The following SHISA6 variants were observed in gnomAD, a reference collection of about 807,000 sequenced individuals.
The protein encoded by SHISA6 is shisa family member 6.
Under a neutral mutation model 47.9 loss-of-function variants are expected in SHISA6, and 22 were observed. That is an observed-to-expected ratio of 0.46 (90% CI 0.33 to 0.66). The LOEUF is 0.66. Ranked by LOEUF, SHISA6 falls within the 30% of genes least tolerant of loss-of-function variation. The pLI, the probability that SHISA6 is intolerant of heterozygous loss-of-function variation, is 0.02. For synonymous variants in SHISA6, 388 were observed against 337.8 expected (o/e 1.15, Z -1.63); for missense variants, 680 against 764.6 (o/e 0.89, Z 1.30).
chr17:11,388,830 ATATATAT>A (rs1913290497), intron 3 of SHISA6, among the ~76,000 whole-genome samples: 1 of 96,042 alleles, frequency 1.0e-5, no homozygotes, highest in African/African-American at 4.2e-5. Flanking sequence ...ATATATATAT[ATATATAT>A]ATATTTTAAA....
Position 11,558,473 on chromosome 17 carries a change from C to G in SHISA6, c.*169C>G. On this transcript the variant is annotated 3_prime_UTR_variant, in exon 6 of 6. Transcript: ENST00000441885. ...AGCCATACCCCCGGGGACACAGCCC[C>G]GATGGCCTGGTCCAATACACTTAGA... is the stretch of plus-strand genomic sequence containing the variant. 1 of 704,238 alleles carries G rather than the reference C, an allele frequency of 1.4e-6. No homozygotes were observed. The highest frequency in any genetic ancestry group is 2.3e-6 in the Non-Finnish European group (1 of 430,386). 43.6% of individuals were successfully genotyped at this position (704,238 alleles called of 1,614,324 possible).
intron 2 of SHISA6, among the ~76,000 whole-genome samples, chr17:11,360,374 A>T (rs1912225563): frequency 6.6e-6 from 1 of 152,140 alleles, no homozygotes; most frequent in South Asian, 2.1e-4. Flanking sequence ...CCTGGCCAAG[A>T]TGGTGAAACC....
At chr17:11,381,108 C>T (rs1487507891) in intron 3 of SHISA6, among the ~76,000 whole-genome samples, 3 of 152,126 alleles carry the variant, frequency 2.0e-5, no homozygotes, top group Admixed American at 2.0e-4. Flanking sequence ...AGGCCAGCTA[C>T]CACAAGCCTA....
At chr17:11,350,503 T>C (rs1294683246) in intron 2 of SHISA6, among the ~76,000 whole-genome samples, 6 of 151,978 alleles carry the variant, frequency 3.9e-5, no homozygotes, top group Non-Finnish European at 8.8e-5. Flanking sequence ...AGGGTCAGCT[T>C]ATGAAGAAAC....
chr17:11,369,878 C>T (rs976921980), intron 2 of SHISA6, among the ~76,000 whole-genome samples: 2 of 152,206 alleles, frequency 1.3e-5, no homozygotes, highest in African/African-American at 4.8e-5. Context: ...TGAAATAGAA[C>T]TCAGCCTTTT....
intron 2 of SHISA6, among the ~76,000 whole-genome samples, chr17:11,285,362 C>T (rs771333144): frequency 1.4e-4 from 21 of 152,182 alleles, no homozygotes; most frequent in Non-Finnish European, 2.4e-4. Context: ...TTCCCTTCAG[C>T]TTGTTGCAAA....
intron 2 of SHISA6, among the ~76,000 whole-genome samples, chr17:11,358,423 G>A (rs1454751074): frequency 1.3e-5 from 2 of 150,758 alleles, no homozygotes; most frequent in African/African-American, 4.9e-5. Flanking sequence ...GCAGTGGTGC[G>A]ATCGCCACTC....
At chr17:11,417,098 A>T (rs1226874101) in intron 3 of SHISA6, among the ~76,000 whole-genome samples, 1 of 152,194 alleles carries the variant, frequency 6.6e-6, no homozygotes, top group Non-Finnish European at 1.5e-5. Context: ...AACAACAACA[A>T]CAACAATTAT....
At chr17:11,350,460 A>G (rs1429929991) in intron 2 of SHISA6, among the ~76,000 whole-genome samples, 3 of 152,088 alleles carry the variant, frequency 2.0e-5, no homozygotes, top group South Asian at 2.1e-4. Flanking sequence ...GATTACAGGC[A>G]TGGGCCACCG....
chr17:11,509,344 A>G (rs898106908), intron 3 of SHISA6, among the ~76,000 whole-genome samples: 1 of 152,216 alleles, frequency 6.6e-6, no homozygotes, highest in South Asian at 2.1e-4. Context: ...AGCATCACAC[A>G]TGGTCCTCTA....
chr17:11,432,769 A>G (rs1431879762), intron 3 of SHISA6, among the ~76,000 whole-genome samples: 2 of 151,810 alleles, frequency 1.3e-5, no homozygotes, highest in Non-Finnish European at 2.9e-5. Flanking sequence ...CACATTATGC[A>G]AAGTGAAAGA....
chr17:11,382,262 A>G lies in SHISA6; in HGVS notation c.895+2753A>G, dbSNP rs1202504995. Among the ~76,000 whole-genome samples, 3 of 151,992 alleles carry G rather than the reference A, an allele frequency of 2.0e-5. No homozygotes were observed. In the East Asian group the frequency reaches 5.8e-4, roughly 30 times the overall value. ...TAATTTAATTTTTTTTTATTTTTGTAGAAACAGGGTCTCACTATGTTGCCC... is the reference window on the plus strand; with the variant it reads ...TAATTTAATTTTTTTTTATTTTTGTGGAAACAGGGTCTCACTATGTTGCCC... On this transcript the variant is annotated intron_variant, in intron 3 of 5. Coordinates refer to ENST00000441885, the MANE Select transcript of SHISA6 (RefSeq NM_207386.4).
chr17:11,543,918 A>C (rs935927855), intron 3 of SHISA6, among the ~76,000 whole-genome samples: 43 of 150,312 alleles, frequency 2.9e-4, no homozygotes, highest in African/African-American at 8.5e-4. Context: ...AGCAAAAAAA[A>C]AAAAAAAACA....
At chr17:11,550,936 A>G (rs559055616) in intron 3 of SHISA6, among the ~76,000 whole-genome samples, 3 of 152,226 alleles carry the variant, frequency 2.0e-5, no homozygotes, top group African/African-American at 7.2e-5. Flanking sequence ...TAGCCAGAGT[A>G]TAAGGCCAAA....
At chr17:11,251,044 G>A (rs1907783016) in intron 1 of SHISA6, among the ~76,000 whole-genome samples, 1 of 152,162 alleles carries the variant, frequency 6.6e-6, no homozygotes, top group Non-Finnish European at 1.5e-5. Context: ...CCGATTCAGA[G>A]AGGCTTAGTA....
chr17:11,316,259 G>T (rs1910511455), intron 2 of SHISA6, among the ~76,000 whole-genome samples: 1 of 149,484 alleles, frequency 6.7e-6, no homozygotes, highest in South Asian at 2.1e-4. Flanking sequence ...ACTTTCTTTA[G>T]CTAAGACCAG....
intron 3 of SHISA6, among the ~76,000 whole-genome samples, chr17:11,481,356 G>GTATATATATATATATA (rs1417264013): frequency 1.7e-4 from 21 of 121,184 alleles, no homozygotes; most frequent in African/African-American, 5.9e-4. Context: ...GTGTGTGTGT[G>GTATATATATATATATA]TGTGTGTGTG....
At chr17:11,248,976 A>G (rs1383351767) in intron 1 of SHISA6, among the ~76,000 whole-genome samples, 1 of 152,012 alleles carries the variant, frequency 6.6e-6, no homozygotes, top group African/African-American at 2.4e-5. Context: ...CGTCTCTACT[A>G]AAAATACAAA....
At chr17:11,304,788 G>T (rs889863283) in intron 2 of SHISA6, among the ~76,000 whole-genome samples, 3 of 150,916 alleles carry the variant, frequency 2.0e-5, no homozygotes, top group Non-Finnish European at 3.0e-5. Context: ...AGACTTGCCA[G>T]AACTGTTCCC....
Sources: gnomAD v4.1 joint callset for allele counts (sites outside exome capture counted in the v4.1 genomes callset) on GRCh38, gnomAD v4.1.1 for gene constraint, MANE v1.5 for transcripts, NCBI Gene and HGNC (gene_info 2026-07-23, HGNC 2026-07-21) for gene names.